SNX17: variants seen among roughly 807,000 people sequenced by gnomAD.
The protein encoded by SNX17 is sorting nexin 17, also known as sorting nexin-17.
In SNX17, 35 loss-of-function variants were observed where a neutral mutation model predicts 64.3. The ratio of observed to expected loss-of-function variants is 0.54; its 90% CI spans 0.42 to 0.72. SNX17 has a LOEUF of 0.72. Ranked by LOEUF, SNX17 falls within the 30% of genes least tolerant of loss-of-function variation. SNX17 has a pLI of 0.00. For missense variants in SNX17, 538 were observed against 610.0 expected (o/e 0.88, Z 1.24); for synonymous variants, 259 against 230.2 (o/e 1.13, Z -1.13).
Position 27,377,091 on chromosome 2 carries a change from C to T in SNX17, c.*372C>T. 2.5e-6 allele frequency: 1 copy of T among 407,444 alleles called. No homozygotes were observed. Among genetic ancestry groups the T allele is most frequent in the Non-Finnish European group, 4.6e-6 (1 of 217,400 alleles). 25.2% of individuals were successfully genotyped at this position (407,444 alleles called of 1,614,324 possible). On this transcript the variant is annotated 3_prime_UTR_variant, in exon 15 of 15. Coordinates refer to ENST00000233575, the MANE Select transcript of SNX17 (RefSeq NM_014748.4). This position sits in a 1 kb window ranked among gnomAD's most constrained non-coding sequence, Gnocchi z 4.4. ...GCAGAGGTCTGTGTTTGGTCTGGCCCAGTTCCCCATCATTAAACTCAGCCT... is the reference window on the plus strand; with the variant it reads ...GCAGAGGTCTGTGTTTGGTCTGGCCTAGTTCCCCATCATTAAACTCAGCCT...
At chr2:27,371,650 T>G (rs1291238595) in intron 2 of SNX17, 1 of 269,082 alleles carries the variant, frequency 3.7e-6, no homozygotes, top group Non-Finnish European at 7.0e-6. Flanking sequence ...ACCCAGGCTG[T>G]CAAAGCACAT....
At position 27,377,456 on chromosome 2, in the gene SNX17, C is replaced by G. The variant is rs778700095; in HGVS notation, c.*737C>G. 2 of 1,434,710 alleles carry G rather than the reference C, an allele frequency of 1.4e-6. No homozygotes were observed. Among genetic ancestry groups the G allele is most frequent in the South Asian group, 2.3e-5 (2 of 86,310 alleles). The allele number at this position is 1,434,710 out of a possible 1,614,324, so 88.9% of individuals were successfully genotyped here. The stretch of plus-strand genomic sequence containing the variant: ...GTTGGGCTGGTCCTTATAGTGCCTA[C>G]GTTAGTCTGTGTGGAGCCCCTGGCC... On this transcript the variant is annotated 3_prime_UTR_variant, in exon 15 of 15. Coordinates refer to ENST00000233575, the MANE Select transcript of SNX17 (RefSeq NM_014748.4). This position sits in a 1 kb window ranked among gnomAD's most constrained non-coding sequence, Gnocchi z 4.4.
chr2:27,377,529 GGAA>G (rs746687863), exon 15 of SNX17: 5 of 1,613,328 alleles, frequency 3.1e-6, no homozygotes, highest in Admixed American at 5.0e-5. The surrounding 1 kb of genome is among the most constrained non-coding windows in gnomAD (Gnocchi z 4.4). Context: ...TAAAACATGG[GGAA>G]GAAGGACCTA....
chr2:27,376,909 C>T lies in SNX17; in HGVS notation c.*190C>T. On this transcript the variant is annotated 3_prime_UTR_variant, in exon 15 of 15. Coordinates refer to ENST00000233575, the MANE Select transcript of SNX17 (RefSeq NM_014748.4). ...TGGGCTGGCTGCACAGAGGATTGCC[C>T]CTTCTCTTTTCAGAGCTGGCCCTCG... is the stretch of plus-strand genomic sequence containing the variant. 1.7e-6 allele frequency: 1 copy of T among 599,198 alleles called. No homozygotes were observed. The highest frequency in any genetic ancestry group is 3.0e-6 in the Non-Finnish European group (1 of 337,784). The allele number at this position is 599,198 out of a possible 1,614,324, so 37.1% of individuals were successfully genotyped here. A position where few individuals can be genotyped will look rare whatever the true frequency, so the allele number is the denominator to read the frequency against.
rs1308996579 is a variant in SNX17, at chr2:27,377,311, C to T, written c.*592C>T. 2.3e-5 allele frequency: 15 copies of T among 652,192 alleles called. No homozygotes were observed. The highest frequency in any genetic ancestry group is 7.3e-5 in the African/African-American group (4 of 55,068). 40.4% of individuals were successfully genotyped at this position (652,192 alleles called of 1,614,324 possible). A position where few individuals can be genotyped will look rare whatever the true frequency, so the allele number is the denominator to read the frequency against. On this transcript the variant is annotated 3_prime_UTR_variant, in exon 15 of 15. Coordinates refer to ENST00000233575, the MANE Select transcript of SNX17 (RefSeq NM_014748.4). The surrounding 1 kb of genome is among the most constrained non-coding windows in gnomAD (Gnocchi z 4.4). ...GTGGGAGGCTGGGCAGTCCCCCAGCCGGTTTGTCCACAGCCCCTGGGGGCA... is the reference window on the plus strand; with the variant it reads ...GTGGGAGGCTGGGCAGTCCCCCAGCTGGTTTGTCCACAGCCCCTGGGGGCA...
In SNX17 at chr2:27,375,792, G is replaced by A; in HGVS notation, c.979-54G>A. 1.2e-6 allele frequency: 2 copies of A among 1,610,406 alleles called. No homozygotes were observed. Among genetic ancestry groups the A allele is most frequent in the Non-Finnish European group, 1.7e-6 (2 of 1,178,000 alleles). ...TAGGTATGGGCTGCAGCGGGTCAGG[G>A]AGCCAGACAGGTTGGTCAGAGTGAA... On this transcript the variant is annotated intron_variant, in intron 10 of 14. Transcript: ENST00000233575. This position sits in a 1 kb window ranked among gnomAD's most constrained non-coding sequence, Gnocchi z 4.1.
In SNX17 at chr2:27,377,375, A is replaced by G; in HGVS notation, c.*656A>G. 1 of 750,600 alleles carries G rather than the reference A, an allele frequency of 1.3e-6. No homozygotes were observed. The highest frequency in any genetic ancestry group is 2.3e-6 in the Non-Finnish European group (1 of 429,200). 46.5% of individuals were successfully genotyped at this position (750,600 alleles called of 1,614,324 possible). On this transcript the variant is annotated 3_prime_UTR_variant, in exon 15 of 15. Coordinates refer to ENST00000233575, the MANE Select transcript of SNX17 (RefSeq NM_014748.4). The surrounding 1 kb of genome is among the most constrained non-coding windows in gnomAD (Gnocchi z 4.4). Reference sequence around the variant, plus strand: ...CAGGGCCCTTCTCACTGAGCTCGTGAAGTGCCTCAGTCAAGGCAAGGTCCC... The same window carrying G: ...CAGGGCCCTTCTCACTGAGCTCGTGGAGTGCCTCAGTCAAGGCAAGGTCCC...
Position 27,375,663 on chromosome 2 carries a change from G to C in SNX17, c.932G>C (p.Gly311Ala), listed in dbSNP as rs1455132097. Residue 311 changes from glycine (G) to alanine (A), a missense_variant, in exon 10 of 15, where the codon GGC becomes GCC. By Grantham distance (60) the Gly-to-Ala change is moderately conservative. This residue lies in a region of SNX17 where 505 missense variants were observed against 550.4 expected (regional missense o/e 0.92). Coordinates refer to ENST00000233575, the MANE Select transcript of SNX17 (RefSeq NM_014748.4). This position sits in a 1 kb window ranked among gnomAD's most constrained non-coding sequence, Gnocchi z 4.1. ...LRLPGQQLRE[G>A]SFRVTRMRCW... ...CTGCCTGGCCAGCAACTCCGAGAAG[G>C]CTCCTTCCGGGTCACCCGCATGCGA... 6 of 1,614,072 alleles carry C rather than the reference G, an allele frequency of 3.7e-6. No individual in the cohort carries two copies. Among genetic ancestry groups the C allele is most frequent in the East Asian group, 2.2e-5 (1 of 44,894 alleles).
chr2:27,377,403 G>T lies in SNX17; in HGVS notation c.*684G>T. 2 of 890,654 alleles carry T rather than the reference G, an allele frequency of 2.2e-6. No individual in the cohort carries two copies. The highest frequency in any genetic ancestry group is 3.6e-6 in the Non-Finnish European group (2 of 555,998). The allele number at this position is 890,654 out of a possible 1,614,324, so 55.2% of individuals were successfully genotyped here. On this transcript the variant is annotated 3_prime_UTR_variant, in exon 15 of 15. Coordinates refer to ENST00000233575, the MANE Select transcript of SNX17 (RefSeq NM_014748.4). The surrounding 1 kb of genome is among the most constrained non-coding windows in gnomAD (Gnocchi z 4.4). The stretch of plus-strand genomic sequence containing the variant: ...TGCCTCAGTCAAGGCAAGGTCCCCT[G>T]GTCCATATGGGCCCCCCCGCCCATG...
chr2:27,374,960 A>G lies in SNX17; in HGVS notation c.682-101A>G, dbSNP rs1425691799. On this transcript the variant is annotated intron_variant, in intron 8 of 14. Coordinates refer to ENST00000233575, the MANE Select transcript of SNX17 (RefSeq NM_014748.4). ...GGACTTACTGCAGAGAGGTCGCTCA[A>G]GTGTGGGGCTAGGGGTCAGGCTGGA... is the stretch of plus-strand genomic sequence containing the variant. The G allele has an allele frequency of 5.2e-6, 6 of 1,154,014 alleles. No individual in the cohort carries two copies. The East Asian group carries it at 7.1e-5, about 14-fold the overall frequency. The allele number at this position is 1,154,014 out of a possible 1,614,324, so 71.5% of individuals were successfully genotyped here.
At chr2:27,372,965 T>A (rs1682789293) in intron 3 of SNX17, 3 of 1,375,834 alleles carry the variant, frequency 2.2e-6, no homozygotes, top group Admixed American at 3.9e-5. Flanking sequence ...AGTATAACAC[T>A]AGTCTTAATA....
At chr2:27,373,079 G>A in intron 3 of SNX17, 168 bp from the exon 4 acceptor site, 2 of 1,554,326 alleles carry the variant, frequency 1.3e-6, no homozygotes, top group Non-Finnish European at 1.7e-6. Flanking sequence ...GCCAAGGGTG[G>A]GGCAGGTGAA....
Position 27,376,171 on chromosome 2 carries a change from C to T in SNX17, c.1170C>T (p.Gly390=), listed in dbSNP as rs758066531. The T allele has an allele frequency of 5.6e-6, 9 of 1,614,066 alleles. No individual in the cohort carries two copies. The highest frequency in any genetic ancestry group is 2.2e-5 in the East Asian group (1 of 44,866). The change falls in exon 12 of 15, where the codon GGC becomes GGT. Residue 390 remains glycine, a synonymous_variant. Transcript: ENST00000233575. ...VDELMVKKSG[G]SIRKMLRRRV... is the part of the protein sequence containing the mutation. ...AACTGATGGTGAAGAAATCTGGCGGCAGTATCAGGAAGGTAGGCAGCAAGT... is the reference window on the plus strand; with the variant it reads ...AACTGATGGTGAAGAAATCTGGCGGTAGTATCAGGAAGGTAGGCAGCAAGT...
In SNX17 at chr2:27,375,837, C is replaced by T; in HGVS notation, c.979-9C>T. 6.2e-7 allele frequency: 1 copy of T among 1,613,552 alleles called. No homozygotes were observed. The highest frequency in any genetic ancestry group is 2.2e-5 in the East Asian group (1 of 44,874). On this transcript the variant is annotated splice_polypyrimidine_tract_variant and intron_variant, in intron 10 of 14. Coordinates refer to ENST00000233575, the MANE Select transcript of SNX17 (RefSeq NM_014748.4). The surrounding 1 kb of genome is among the most constrained non-coding windows in gnomAD (Gnocchi z 4.1). ...AGTGAACTCAACCGAATTCCCCTTC[C>T]TCTCCCAGGTACCATTGCCCAGTGG...
Position 27,376,992 on chromosome 2 carries a change from T to C in SNX17, c.*273T>C. 1 of 471,958 alleles carries C rather than the reference T, an allele frequency of 2.1e-6. No individual in the cohort carries two copies. The highest frequency in any genetic ancestry group is 3.5e-5 in the Admixed American group (1 of 28,472). 29.2% of individuals were successfully genotyped at this position (471,958 alleles called of 1,614,324 possible). On this transcript the variant is annotated 3_prime_UTR_variant, in exon 15 of 15. Transcript: ENST00000233575. ...GTCTAAGGGACCATGGCTGCCTGCCTTGGGGAGGAACCATATCTCCCTCTG... is the reference window on the plus strand; with the variant it reads ...GTCTAAGGGACCATGGCTGCCTGCCCTGGGGAGGAACCATATCTCCCTCTG...
chr2:27,371,389 A>G (rs1377479715), intron 2 of SNX17, 46 bp downstream of exon 2: 7 of 1,577,040 alleles, frequency 4.4e-6, no homozygotes, highest in South Asian at 2.3e-5. Flanking sequence ...GCCCTTCCCT[A>G]CACGTGGACA....
At position 27,374,419 on chromosome 2, in the gene SNX17, T is replaced by A; in HGVS notation, c.597T>A (p.Ile199=). The A allele has an allele frequency of 1.9e-6, 3 of 1,613,862 alleles. No homozygotes were observed. In the South Asian group the frequency reaches 3.3e-5, roughly 18 times the overall value. The change falls in exon 7 of 15, where the codon ATT becomes ATA. Residue 199 remains isoleucine (I), a synonymous_variant. Transcript: ENST00000233575. ...GCCTTCGGAGTCAAGAGTATAAGATTGTGCTAAGGAAGAGGTCAGGGCTGG... is the reference window on the plus strand; with the variant it reads ...GCCTTCGGAGTCAAGAGTATAAGATAGTGCTAAGGAAGAGGTCAGGGCTGG... ...VTSLRSQEYK[I]VLRKSYWDSA... is the part of the protein sequence containing the mutation.
At chr2:27,374,513 A>C (rs972762646) in intron 7 of SNX17, 80 bp downstream of exon 7, 10 of 1,391,002 alleles carry the variant, frequency 7.2e-6, no homozygotes, top group Non-Finnish European at 1.0e-5. Flanking sequence ...GAGACAGAAT[A>C]ATCTGGACAA....
At position 27,376,798 on chromosome 2, in the gene SNX17, G is replaced by C. The variant is rs1683292448; in HGVS notation, c.*79G>C. 8.4e-7 allele frequency: 1 copy of C among 1,186,594 alleles called. No homozygotes were observed. Among genetic ancestry groups the C allele is most frequent in the African/African-American group, 1.5e-5 (1 of 66,668 alleles). The allele number at this position is 1,186,594 out of a possible 1,614,324, so 73.5% of individuals were successfully genotyped here. ...CCCTGTGCCTGTGTCCCCCATGCTA[G>C]GGGCGGAGGGGTCTTTTCCTTCTTC... On this transcript the variant is annotated 3_prime_UTR_variant, in exon 15 of 15. Transcript: ENST00000233575.
Sources: allele counts gnomAD v4.1 joint callset, GRCh38; gene constraint gnomAD v4.1.1; regional missense constraint gnomAD v4.1.1; non-coding constraint Gnocchi (gnomAD v3.1); transcripts MANE v1.5; gene names NCBI Gene and HGNC (gene_info 2026-07-23, HGNC 2026-07-21).